Variants in SCHIP1 observed in about 807,000 individuals in gnomAD.
The protein encoded by SCHIP1 is schwannomin-interacting protein 1.
In SCHIP1, 8 loss-of-function variants were observed where a neutral mutation model predicts 29.7. The ratio of observed to expected loss-of-function variants is 0.27; its 90% CI spans 0.16 to 0.49. The LOEUF is 0.49. SCHIP1 is among the 20% of genes least tolerant of loss of function. SCHIP1 has a pLI of 0.99. For missense variants in SCHIP1, 193 were observed against 294.6 expected (o/e 0.66, Z 2.52); for synonymous variants, 76 against 94.9 (o/e 0.80, Z 1.16).
the SCHIP1 span, among the ~76,000 whole-genome samples, chr3:159,342,824 A>G: frequency 3.5e-3 from 539 of 152,344 alleles, 2 homozygotes; most frequent in African/African-American, 0.012. Context: ...AATTCAAGAC[A>G]TAATTATTTG....
At position 159,850,870 on chromosome 3, in the gene SCHIP1, A is replaced by G. The variant is rs192540403; in HGVS notation, c.30+10656A>G. Reference sequence around the variant, plus strand: ...GTCCAGTCACCTCACACCAGGCCCTACCTCCAACATTGGTGATTACAATCG... The same window carrying G: ...GTCCAGTCACCTCACACCAGGCCCTGCCTCCAACATTGGTGATTACAATCG... On this transcript the variant is annotated intron_variant, in intron 1 of 6. Transcript: ENST00000445224. 8.5e-5 allele frequency among the ~76,000 whole-genome samples: 13 copies of G among 152,294 alleles called. No individual in the cohort carries two copies. The East Asian group carries it at 2.5e-3, about 29-fold the overall frequency.
chr3:159,680,621 T>A, the SCHIP1 span, among the ~76,000 whole-genome samples: 2 of 93,860 alleles, frequency 2.1e-5, no homozygotes, highest in South Asian at 2.7e-4. Context: ...TATGTATATA[T>A]AATATATATT....
chr3:159,294,946 C>G, the SCHIP1 span, among the ~76,000 whole-genome samples: 593 of 152,042 alleles, frequency 3.9e-3, 3 homozygotes, highest in African/African-American at 0.012. Flanking sequence ...AGATCATTAC[C>G]CGAAAGGGAA....
the SCHIP1 span, among the ~76,000 whole-genome samples, chr3:159,723,152 C>G: frequency 6.6e-6 from 1 of 152,088 alleles, no homozygotes; most frequent in Admixed American, 6.5e-5. Context: ...CTTTTCAGTC[C>G]TCTTAGAGAT....
the SCHIP1 span, among the ~76,000 whole-genome samples, chr3:159,423,339 G>A: frequency 6.6e-6 from 1 of 152,182 alleles, no homozygotes; most frequent in South Asian, 2.1e-4. Context: ...CTGGAAAATC[G>A]GGTCACTCCC....
the SCHIP1 span, among the ~76,000 whole-genome samples, chr3:159,470,843 G>A: frequency 6.6e-6 from 1 of 152,058 alleles, no homozygotes; most frequent in Non-Finnish European, 1.5e-5. Context: ...TGACATGGAT[G>A]AATTTCAATT....
chr3:159,865,558 C>T (rs1177916576), intron 1 of SCHIP1, among the ~76,000 whole-genome samples: 5 of 152,146 alleles, frequency 3.3e-5, no homozygotes, highest in East Asian at 3.8e-4. Context: ...ATTCTAAAAC[C>T]TGGTGAGATG....
the SCHIP1 span, among the ~76,000 whole-genome samples, chr3:159,499,225 CTG>C: frequency 1.3e-5 from 2 of 152,190 alleles, no homozygotes; most frequent in African/African-American, 4.8e-5. Context: ...TCAAAGCAGT[CTG>C]TAAGTTTTTG....
chr3:159,706,089 T>C, the SCHIP1 span, among the ~76,000 whole-genome samples: 40 of 152,294 alleles, frequency 2.6e-4, 1 homozygote, highest in African/African-American at 9.6e-4. Context: ...TAACTAATTA[T>C]AGCTTGAAAG....
the SCHIP1 span, among the ~76,000 whole-genome samples, chr3:159,604,076 T>G: frequency 2.6e-5 from 4 of 152,182 alleles, no homozygotes; most frequent in Non-Finnish European, 2.9e-5. Context: ...ACATGAACTT[T>G]TGGGGGACAC....
chr3:159,524,144 G>A, the SCHIP1 span, among the ~76,000 whole-genome samples: 3 of 152,122 alleles, frequency 2.0e-5, no homozygotes, highest in Admixed American at 6.5e-5. Context: ...ATTGAAATCC[G>A]GTTCACTATG....
At chr3:159,457,667 C>T in the SCHIP1 span, among the ~76,000 whole-genome samples, 1 of 152,162 alleles carries the variant, frequency 6.6e-6, no homozygotes, top group African/African-American at 2.4e-5. Flanking sequence ...GTAGTCTTCC[C>T]TTATCCTCAG....
At chr3:159,736,552 G>A in the SCHIP1 span, among the ~76,000 whole-genome samples, 1 of 152,192 alleles carries the variant, frequency 6.6e-6, no homozygotes, top group East Asian at 1.9e-4. Flanking sequence ...CCAAGCTGGG[G>A]AAGCTTGAAC....
chr3:159,542,640 G>C, the SCHIP1 span, among the ~76,000 whole-genome samples: 1 of 152,020 alleles, frequency 6.6e-6, no homozygotes, highest in Non-Finnish European at 1.5e-5. Context: ...TCTAGGAACT[G>C]AGTTGGTGAT....
At chr3:159,721,547 CT>C in the SCHIP1 span, 83 of 177,790 alleles carry the variant, frequency 4.7e-4, no homozygotes, top group African/African-American at 1.9e-3. Context: ...TCTTCTTGAA[CT>C]TTTCTCATAG....
At chr3:159,858,756 A>G (rs1713690602) in intron 1 of SCHIP1, among the ~76,000 whole-genome samples, 1 of 152,204 alleles carries the variant, frequency 6.6e-6, no homozygotes. Context: ...TTGGGTGCCC[A>G]TCCTGGGCTT....
chr3:159,655,470 C>T, the SCHIP1 span, among the ~76,000 whole-genome samples: 1 of 152,114 alleles, frequency 6.6e-6, no homozygotes, highest in Non-Finnish European at 1.5e-5. Context: ...ATGAGGCTGG[C>T]TGGAATGCTT....
chr3:159,649,588 A>G, the SCHIP1 span, among the ~76,000 whole-genome samples: 1 of 152,234 alleles, frequency 6.6e-6, no homozygotes, highest in East Asian at 1.9e-4. Flanking sequence ...ATATAGACAG[A>G]AAACTAATTG....
At chr3:159,834,755 C>G in the SCHIP1 span, among the ~76,000 whole-genome samples, 3 of 152,174 alleles carry the variant, frequency 2.0e-5, no homozygotes, top group Non-Finnish European at 4.4e-5. Flanking sequence ...GAAGTCAAAA[C>G]TTTGTTTCAT....
Sources: allele counts gnomAD v4.1 joint callset (sites outside exome capture counted in the v4.1 genomes callset), GRCh38; gene constraint gnomAD v4.1.1; transcripts MANE v1.5; gene names NCBI Gene and HGNC (gene_info 2026-07-23, HGNC 2026-07-21).